COL14A1: variants seen among roughly 807,000 people sequenced by gnomAD.
COL14A1 encodes collagen type XIV alpha 1 chain.
COL14A1 carries 136 observed loss-of-function variants against 230.3 expected under a neutral mutation model. The ratio of observed to expected loss-of-function variants is 0.59; its 90% confidence interval spans 0.51 to 0.68. COL14A1 has a LOEUF of 0.68. Among genes scored for constraint, COL14A1 ranks in the 30% least tolerant of loss-of-function variants. The pLI is 0.00. For synonymous variants in COL14A1, 792 were observed against 784.1 expected (o/e 1.01, Z -0.17); for missense variants, 1,976 against 2,215.8 (o/e 0.89, Z 2.17).
rs397705616 is a variant in COL14A1, at chr8:120,280,903, CTTT to C, written c.3686-5_3686-3del. The C allele has an allele frequency of 0.032, 43,027 of 1,351,808 alleles. 35 individuals carry two copies. Among genetic ancestry groups the C allele is most frequent in the African/African-American group, 0.059 (3,841 of 65,104 alleles). The allele number at this position is 1,351,808 out of a possible 1,614,324, so 83.7% of individuals were successfully genotyped here. On this transcript the variant is annotated splice_polypyrimidine_tract_variant and intron_variant, in intron 30 of 47. Transcript: ENST00000297848. The stretch of plus-strand genomic sequence containing the variant: ...ATTCCTTATGTTTATTCTTTTTCTA[CTTT>C]TTTTTTTTTTTTAGGATTTAAGATG...
At chr8:120,234,872 A>G (rs571742194) in intron 19 of COL14A1, among the ~76,000 whole-genome samples, 1 of 152,142 alleles carries the variant, frequency 6.6e-6, no homozygotes, top group African/African-American at 2.4e-5. Flanking sequence ...TGCTTCGAAT[A>G]GTTTTAGAAG....
At chr8:120,188,141 G>T (rs1038063828) in intron 5 of COL14A1, among the ~76,000 whole-genome samples, 1 of 150,646 alleles carries the variant, frequency 6.6e-6, no homozygotes, top group African/African-American at 2.5e-5. Context: ...GGAGTGCAAT[G>T]GTGCAATCTC....
chr8:120,309,901 G>A, intron 36 of COL14A1, 108 bp from the exon 37 acceptor site: 1 of 1,025,128 alleles, frequency 9.8e-7, no homozygotes, highest in South Asian at 1.5e-5. Context: ...CAGTGTGTTG[G>A]CCTTTACATA....
At chr8:120,332,782 G>A (rs570590108) in intron 42 of COL14A1, 47 bp downstream of exon 42, 22 of 1,448,944 alleles carry the variant, frequency 1.5e-5, no homozygotes, top group Admixed American at 1.3e-4. Flanking sequence ...CAGTCATCAC[G>A]TTTATTTATG....
intron 40 of COL14A1, among the ~76,000 whole-genome samples, chr8:120,323,604 G>A (rs1821542746): frequency 6.6e-6 from 1 of 152,144 alleles, no homozygotes; most frequent in African/African-American, 2.4e-5. Context: ...TATGGTATAA[G>A]GAAGGGGTCC....
intron 14 of COL14A1, among the ~76,000 whole-genome samples, chr8:120,222,880 G>A (rs576416941): frequency 6.6e-6 from 1 of 152,308 alleles, no homozygotes; most frequent in African/African-American, 2.4e-5. Flanking sequence ...GGTAAATAAA[G>A]TAATTTCAGG....
intron 23 of COL14A1, 68 bp downstream of exon 23, chr8:120,255,424 G>A (rs1819113503): frequency 5.2e-6 from 6 of 1,160,996 alleles, no homozygotes; most frequent in African/African-American, 3.0e-5. Context: ...ACACCACTGT[G>A]TACAACACAC....
chr8:120,287,879 C>T (rs1011310411), intron 33 of COL14A1, among the ~76,000 whole-genome samples: 4 of 151,878 alleles, frequency 2.6e-5, no homozygotes, highest in African/African-American at 7.2e-5. Flanking sequence ...CATTGATTTT[C>T]AGTTAGTTTT....
intron 1 of COL14A1, among the ~76,000 whole-genome samples, chr8:120,145,542 C>T (rs759598840): frequency 1.6e-4 from 25 of 152,128 alleles, no homozygotes; most frequent in Non-Finnish European, 3.2e-4. Flanking sequence ...TCGCTTGAAC[C>T]CAGGAGGCAA....
intron 24 of COL14A1, among the ~76,000 whole-genome samples, chr8:120,265,516 G>A (rs1819476345): frequency 6.6e-6 from 1 of 151,836 alleles, no homozygotes; most frequent in Non-Finnish European, 1.5e-5. Context: ...TGTATAAAGT[G>A]CATTGTCAAC....
At chr8:120,273,884 T>A (rs1433788111) in intron 26 of COL14A1, among the ~76,000 whole-genome samples, 1 of 151,160 alleles carries the variant, frequency 6.6e-6, no homozygotes, top group Admixed American at 6.6e-5. Context: ...TGGTACCAAT[T>A]GTATGGAAAC....
At chr8:120,208,910 G>T (rs1313488587) in intron 11 of COL14A1, among the ~76,000 whole-genome samples, 1 of 151,980 alleles carries the variant, frequency 6.6e-6, no homozygotes, top group Non-Finnish European at 1.5e-5. Context: ...TTTAAAAAAA[G>T]ATCGAACATC....
intron 18 of COL14A1, among the ~76,000 whole-genome samples, chr8:120,230,570 C>T (rs1311872372): frequency 6.6e-6 from 1 of 152,082 alleles, no homozygotes; most frequent in Non-Finnish European, 1.5e-5. Context: ...CAATCCCGAA[C>T]TCCTTTCCCT....
chr8:120,315,369 TAA>T (rs56356824), intron 38 of COL14A1, among the ~76,000 whole-genome samples, 162 bp from the exon 39 acceptor site: 3,117 of 111,716 alleles, frequency 0.028, 134 homozygotes, highest in African/African-American at 0.1. Context: ...AGACTCCATT[TAA>T]AAAAAAAAAA....
chr8:120,368,210 A>G (rs1221153886), intron 46 of COL14A1, among the ~76,000 whole-genome samples: 3 of 152,128 alleles, frequency 2.0e-5, no homozygotes, highest in Admixed American at 2.0e-4. Flanking sequence ...TGATATTAGA[A>G]TTATTATAAT....
chr8:120,297,801 T>A (rs1015233178), intron 35 of COL14A1, among the ~76,000 whole-genome samples: 4 of 152,048 alleles, frequency 2.6e-5, no homozygotes, highest in Non-Finnish European at 4.4e-5. Flanking sequence ...CAGAGGGTGC[T>A]ATTTACACAT....
intron 32 of COL14A1, among the ~76,000 whole-genome samples, chr8:120,284,732 T>C (rs1193298803): frequency 1.3e-5 from 2 of 152,196 alleles, no homozygotes; most frequent in Non-Finnish European, 2.9e-5. Flanking sequence ...ACTTCATATA[T>C]ACCTGGGACT....
At chr8:120,290,511 A>C (rs1325441494) in intron 34 of COL14A1, among the ~76,000 whole-genome samples, 1 of 152,016 alleles carries the variant, frequency 6.6e-6, no homozygotes, top group African/African-American at 2.4e-5. Flanking sequence ...TCTTGTAAAC[A>C]ATCCCAACTG....
chr8:120,343,126 C>T (rs954733797), intron 44 of COL14A1, among the ~76,000 whole-genome samples: 1 of 152,156 alleles, frequency 6.6e-6, no homozygotes, highest in African/African-American at 2.4e-5. Flanking sequence ...GCTTAGATCC[C>T]ACCACTTTTG....
Sources: allele counts gnomAD v4.1 joint callset (sites outside exome capture counted in the v4.1 genomes callset), GRCh38; gene constraint gnomAD v4.1.1; transcripts MANE v1.5; gene names NCBI Gene and HGNC (gene_info 2026-07-23, HGNC 2026-07-21).